ABRACL: variants seen among roughly 807,000 people sequenced by gnomAD.
The protein encoded by ABRACL is costars family protein ABRACL.
A neutral mutation model predicts 7.0 loss-of-function variants in ABRACL; 4 were observed. The ratio of observed to expected loss-of-function variants is 0.57; its 90% CI spans 0.28 to 1.30. The LOEUF (loss-of-function observed/expected upper bound fraction) is 1.30, where lower values mean the gene tolerates loss of function less well. ABRACL is among the 50% of genes most tolerant of loss of function. ABRACL has a pLI of 0.10. For missense variants in ABRACL, 104 were observed against 97.3 expected, an observed-to-expected ratio of 1.07 and a Z score of -0.29; for synonymous variants, 30 against 36.0, an observed-to-expected ratio of 0.83 and a Z score of 0.60.
chr6:139,029,281 G>C (rs539974533), intron 1 of ABRACL, among the ~76,000 whole-genome samples: 8 of 152,132 alleles, frequency 5.3e-5, no homozygotes, highest in Admixed American at 5.2e-4. Context: ...GAACGTGGTG[G>C]CCTCAGGGCA....
intron 2 of ABRACL, chr6:139,034,522 T>A: frequency 2.7e-6 from 3 of 1,126,420 alleles, no homozygotes; most frequent in Non-Finnish European, 3.6e-6. Flanking sequence ...AATTGAATCA[T>A]GTTCAAATTT....
chr6:139,031,811 G>A (rs564645371), intron 1 of ABRACL, among the ~76,000 whole-genome samples: 13 of 152,276 alleles, frequency 8.5e-5, no homozygotes, highest in African/African-American at 2.9e-4. Context: ...TGGGCCCAGG[G>A]TAAGACTCTA....
At chr6:139,042,664 C>T (rs1222716087) in intron 2 of ABRACL, 55 bp from the exon 3 acceptor site, 17 of 1,514,684 alleles carry the variant, frequency 1.1e-5, no homozygotes, top group African/African-American at 4.2e-5. Flanking sequence ...GTCTTCCATA[C>T]TTGAGGGTAT....
At chr6:139,030,780 G>A (rs904934740) in intron 1 of ABRACL, among the ~76,000 whole-genome samples, 14 of 152,180 alleles carry the variant, frequency 9.2e-5, no homozygotes, top group African/African-American at 2.9e-4. Flanking sequence ...CCACGATGTG[G>A]TAGAGACAGC....
chr6:139,033,183 G>A (rs1786106818), intron 1 of ABRACL, among the ~76,000 whole-genome samples: 1 of 152,216 alleles, frequency 6.6e-6, no homozygotes, highest in Non-Finnish European at 1.5e-5. Context: ...GCATTTGAGA[G>A]ATTAAAAAGT....
chr6:139,030,019 T>TCGATTCTG (rs532169382), intron 1 of ABRACL, among the ~76,000 whole-genome samples: 103 of 152,154 alleles, frequency 6.8e-4, no homozygotes, highest in African/African-American at 2.4e-3. Context: ...AAAGCCGAAA[T>TCGATTCTG]CGATTCTGCG....
chr6:139,042,702 G>A lies in ABRACL; in HGVS notation c.62-17G>A, dbSNP rs1489967530. 2.5e-6 allele frequency: 4 copies of A among 1,602,728 alleles called. No homozygotes were observed. In the South Asian group the frequency reaches 4.5e-5, roughly 18 times the overall value. On this transcript the variant is annotated splice_polypyrimidine_tract_variant and intron_variant, in intron 2 of 2. Transcript: ENST00000367660. Reference sequence around the variant, plus strand: ...AACAGACTTTGCATTTGCTAACAATGTATTTTCTCAAACTAGATGCTGATG... The same window carrying A: ...AACAGACTTTGCATTTGCTAACAATATATTTTCTCAAACTAGATGCTGATG...
Position 139,034,495 on chromosome 6 carries a change from C to T in ABRACL, c.61+274C>T. ...AAATTACCAAGCTTCTTGTATTTGA[C>T]TGCATTGAAATTTGGTAATTGAATC... On this transcript the variant is annotated intron_variant, in intron 2 of 2. Coordinates refer to ENST00000367660, the MANE Select transcript of ABRACL (RefSeq NM_021243.3). The T allele has an allele frequency of 2.3e-6, 3 of 1,319,816 alleles. No individual in the cohort carries two copies. The East Asian group carries it at 7.7e-5, about 34-fold the overall frequency. 81.8% of individuals were successfully genotyped at this position (1,319,816 alleles called of 1,614,324 possible). A position where few individuals can be genotyped will look rare whatever the true frequency, so the allele number is the denominator to read the frequency against.
intron 1 of ABRACL, among the ~76,000 whole-genome samples, chr6:139,033,121 T>C (rs539374373): frequency 5.3e-5 from 8 of 152,298 alleles, no homozygotes; most frequent in East Asian, 1.9e-4. Context: ...ATAGCTATAG[T>C]CTGGGTTGAA....
intron 2 of ABRACL, among the ~76,000 whole-genome samples, chr6:139,037,763 T>G (rs1786185345): frequency 6.8e-6 from 1 of 146,112 alleles, no homozygotes; most frequent in Non-Finnish European, 1.5e-5. Flanking sequence ...TTATTATTGT[T>G]TTTTTCTTTT....
intron 1 of ABRACL, among the ~76,000 whole-genome samples, chr6:139,031,956 T>G (rs1362949455): frequency 9.9e-6 from 1 of 100,936 alleles, no homozygotes; most frequent in Non-Finnish European, 2.0e-5. Context: ...TTAATAGTTT[T>G]TTCCCACTTT....
rs115609235 is a variant in ABRACL at position 139,039,977 on chromosome 6, C to T, written c.62-2742C>T. 9.6e-3 allele frequency among the ~76,000 whole-genome samples: 1,463 copies of T among 151,954 alleles called. 22 individuals carry two copies. Among genetic ancestry groups the T allele is most frequent in the African/African-American group, 0.034 (1,394 of 41,412 alleles). On this transcript the variant is annotated intron_variant, in intron 2 of 2. Transcript: ENST00000367660. ...TGGTGCACGCCTGTAGTCCCAGCTA[C>T]GTGGGAGGCTTGGAAGGCTCAAGAG...
At chr6:139,029,949 G>T (rs1444681937) in intron 1 of ABRACL, among the ~76,000 whole-genome samples, 1 of 152,114 alleles carries the variant, frequency 6.6e-6, no homozygotes, top group East Asian at 1.9e-4. Context: ...TGTATTGGTG[G>T]TGAGTTTCGG....
intron 2 of ABRACL, among the ~76,000 whole-genome samples, chr6:139,040,913 G>A (rs1361752582): frequency 6.6e-6 from 1 of 152,176 alleles, no homozygotes; most frequent in Non-Finnish European, 1.5e-5. Flanking sequence ...GATACTCAGT[G>A]TGTGCTAGGC....
intron 2 of ABRACL, among the ~76,000 whole-genome samples, chr6:139,037,029 A>G (rs1184581268): frequency 5.4e-5 from 2 of 36,866 alleles, no homozygotes; most frequent in East Asian, 2.4e-4. Context: ...CAATTATCCG[A>G]AAAAAAAAAT....
intron 2 of ABRACL, chr6:139,034,706 C>T (rs2114304129): frequency 4.8e-6 from 1 of 206,924 alleles, no homozygotes; most frequent in Admixed American, 5.3e-5. Context: ...TTATTTTCTC[C>T]AAATCTTGAG....
chr6:139,038,461 T>C (rs1464599276), intron 2 of ABRACL, among the ~76,000 whole-genome samples: 1 of 152,252 alleles, frequency 6.6e-6, no homozygotes, highest in East Asian at 1.9e-4. Flanking sequence ...TTAAGTTGTA[T>C]CTGGAGTGAT....
At chr6:139,034,463 A>G in intron 2 of ABRACL, 4 of 1,438,844 alleles carry the variant, frequency 2.8e-6, no homozygotes, top group Non-Finnish European at 3.7e-6. Flanking sequence ...ATTTTTCGAT[A>G]GAAAGCAAAT....
chr6:139,043,217 C>T lies in ABRACL; in HGVS notation c.*314C>T, dbSNP rs986510181. The stretch of plus-strand genomic sequence containing the variant: ...TTTTCTATAGATATTTGACATTCTG[C>T]GAAAGCAACAAGCAAACTGAAGACC... On this transcript the variant is annotated 3_prime_UTR_variant, in exon 3 of 3. Transcript: ENST00000367660. The T allele has an allele frequency of 4.3e-5, 8 of 186,306 alleles. No individual in the cohort carries two copies. The highest frequency in any genetic ancestry group is 1.3e-4 in the East Asian group (1 of 7,908). 11.5% of individuals were successfully genotyped at this position (186,306 alleles called of 1,614,324 possible). A position where few individuals can be genotyped will look rare whatever the true frequency, so the allele number is the denominator to read the frequency against.
Sources: gnomAD v4.1 joint callset for allele counts (sites outside exome capture counted in the v4.1 genomes callset) on GRCh38, gnomAD v4.1.1 for gene constraint, MANE v1.5 for transcripts, NCBI Gene and HGNC (gene_info 2026-07-23, HGNC 2026-07-21) for gene names.